PTPRD: variants seen among roughly 807,000 people sequenced by gnomAD.
The protein encoded by PTPRD is protein tyrosine phosphatase receptor type D, also known as receptor-type tyrosine-protein phosphatase delta.
PTPRD carries 34 observed loss-of-function variants against 214.5 expected under a neutral mutation model. The observed-to-expected ratio is 0.16, with a 90% CI of 0.12 to 0.21. The LOEUF is 0.21. Among genes scored for constraint, PTPRD ranks in the 10% least tolerant of loss-of-function variants. The pLI is 1.00. For missense variants in PTPRD, 2,545 were observed against 2,398.7 expected, an observed-to-expected ratio of 1.06 and a Z score of -1.27; for synonymous variants, 1,128 against 845.7, an observed-to-expected ratio of 1.33 and a Z score of -5.79.
At chr9:10,075,251 G>C (rs1229083082) in intron 3 of PTPRD, among the ~76,000 whole-genome samples, 1 of 151,910 alleles carries the variant, frequency 6.6e-6, no homozygotes, top group East Asian at 1.9e-4. Flanking sequence ...CCCCGAAGGT[G>C]CATAATTATT....
At position 8,795,211 on chromosome 9, in the gene PTPRD, C is replaced by CTGGA. The variant is rs561599777; in HGVS notation, c.-103-61269_-103-61266dup. ...GATGAGTCTCACTCTGTCACCCAGG[C>CTGGA]TGGAGTGCAATGGCATGATCTCGGC... is the stretch of plus-strand genomic sequence containing the variant. On this transcript the variant is annotated intron_variant, in intron 11 of 45. Coordinates refer to ENST00000381196, the MANE Select transcript of PTPRD (RefSeq NM_002839.4). 7.0e-3 allele frequency among the ~76,000 whole-genome samples: 1,058 copies of CTGGA among 152,178 alleles called. 9 individuals carry two copies. The highest frequency in any genetic ancestry group is 0.023 in the African/African-American group (969 of 41,528).
At chr9:10,452,489 T>C (rs1216484200) in intron 2 of PTPRD, among the ~76,000 whole-genome samples, 4 of 151,860 alleles carry the variant, frequency 2.6e-5, no homozygotes, top group African/African-American at 7.2e-5. Context: ...AAACTTGTTA[T>C]CTTCTTTTTT....
intron 3 of PTPRD, among the ~76,000 whole-genome samples, chr9:10,162,703 A>G (rs2099135587): frequency 2.0e-5 from 3 of 146,926 alleles, no homozygotes; most frequent in Non-Finnish European, 3.0e-5. Flanking sequence ...ATATATACAT[A>G]TACACGTATA....
At chr9:9,576,491 A>G (rs138116762) in intron 7 of PTPRD, among the ~76,000 whole-genome samples, 1 of 132,664 alleles carries the variant, frequency 7.5e-6, no homozygotes, top group African/African-American at 3.0e-5. Context: ...CCTTATTGAC[A>G]TTTGTGAAAG....
intron 3 of PTPRD, among the ~76,000 whole-genome samples, chr9:10,268,303 A>AATAATAATG (rs1210466611): frequency 6.0e-5 from 9 of 149,180 alleles, no homozygotes; most frequent in African/African-American, 2.2e-4. Flanking sequence ...AAATAATAAT[A>AATAATAATG]ATAATAATAA....
chr9:9,312,122 AGCTTGATT>A (rs1959178295), intron 9 of PTPRD, among the ~76,000 whole-genome samples: 1 of 152,208 alleles, frequency 6.6e-6, no homozygotes, highest in Non-Finnish European at 1.5e-5. Flanking sequence ...ATAAACATTA[AGCTTGATT>A]TCAGCAAATC....
chr9:8,682,741 T>C (rs1160258066), intron 12 of PTPRD, among the ~76,000 whole-genome samples: 1 of 152,202 alleles, frequency 6.6e-6, no homozygotes, highest in African/African-American at 2.4e-5. Flanking sequence ...TATATTTTCA[T>C]TAAATATCAA....
intron 9 of PTPRD, among the ~76,000 whole-genome samples, chr9:9,388,590 T>G (rs946289116): frequency 1.1e-4 from 16 of 152,148 alleles, no homozygotes; most frequent in African/African-American, 3.9e-4. Flanking sequence ...TTCTAAGGCT[T>G]CATTCAATCA....
At chr9:8,513,196 A>G (rs2097715928) in intron 21 of PTPRD, among the ~76,000 whole-genome samples, 1 of 152,046 alleles carries the variant, frequency 6.6e-6, no homozygotes, top group Non-Finnish European at 1.5e-5. Context: ...GTCTTTTCAT[A>G]TTTAAAACCA....
chr9:9,734,205 C>G (rs564588819), intron 7 of PTPRD, among the ~76,000 whole-genome samples: 1 of 152,076 alleles, frequency 6.6e-6, no homozygotes, highest in Non-Finnish European at 1.5e-5. Context: ...GAAAAATTTT[C>G]CACATTTTAC....
chr9:10,520,226 A>C (rs895490281), intron 2 of PTPRD, among the ~76,000 whole-genome samples: 3 of 152,210 alleles, frequency 2.0e-5, no homozygotes, highest in African/African-American at 7.2e-5. Context: ...GAACACACGG[A>C]TAATAAGATA....
chr9:10,305,902 C>T (rs1457022959), intron 3 of PTPRD, among the ~76,000 whole-genome samples: 1 of 151,948 alleles, frequency 6.6e-6, no homozygotes, highest in Non-Finnish European at 1.5e-5. Flanking sequence ...TACCATTTGA[C>T]CCAGCAATCC....
intron 3 of PTPRD, among the ~76,000 whole-genome samples, chr9:10,140,687 C>T (rs1234956042): frequency 6.6e-6 from 1 of 152,078 alleles, no homozygotes; most frequent in Non-Finnish European, 1.5e-5. Context: ...GAACTGGTAC[C>T]ATTCCTTCTG....
At chr9:8,858,190 G>T in intron 11 of PTPRD, 1 of 156,900 alleles carries the variant, frequency 6.4e-6, no homozygotes, top group Non-Finnish European at 1.4e-5. Flanking sequence ...TCCTCCCTCC[G>T]CCTCTCCTCT....
chr9:8,713,284 G>A (rs2098383483), intron 12 of PTPRD: 2 of 687,474 alleles, frequency 2.9e-6, no homozygotes, highest in Admixed American at 2.3e-5. Context: ...AGCTTTTGCG[G>A]GTGGCGGCGA....
At chr9:9,021,818 A>G (rs2099570775) in intron 10 of PTPRD, among the ~76,000 whole-genome samples, 1 of 152,196 alleles carries the variant, frequency 6.6e-6, no homozygotes. Context: ...TAATACAAAG[A>G]AATATTTTTG....
At chr9:8,680,108 C>G (rs2097523030) in intron 12 of PTPRD, among the ~76,000 whole-genome samples, 1 of 151,786 alleles carries the variant, frequency 6.6e-6, no homozygotes, top group Admixed American at 6.6e-5. Flanking sequence ...TGCATAATTA[C>G]ACATATATCA....
chr9:10,147,823 TGA>T (rs2099034116), intron 3 of PTPRD, among the ~76,000 whole-genome samples: 1 of 152,052 alleles, frequency 6.6e-6, no homozygotes, highest in Non-Finnish European at 1.5e-5. Flanking sequence ...GAGGTTGCAG[TGA>T]GTCAAGATCA....
intron 4 of PTPRD, among the ~76,000 whole-genome samples, chr9:10,032,210 A>T (rs1447724436): frequency 1.3e-5 from 2 of 152,216 alleles, no homozygotes; most frequent in South Asian, 2.1e-4. Context: ...AACTTGGGTT[A>T]AATGGTTTCT....
Sources: allele counts gnomAD v4.1 joint callset (sites outside exome capture counted in the v4.1 genomes callset), GRCh38; gene constraint gnomAD v4.1.1; transcripts MANE v1.5; gene names NCBI Gene and HGNC (gene_info 2026-07-23, HGNC 2026-07-21).